Variants in PLA2G4A observed in about 807,000 individuals in gnomAD.
The protein encoded by PLA2G4A is cytosolic phospholipase A2.
In PLA2G4A, 40 loss-of-function variants were observed where a neutral mutation model predicts 81.9. The observed-to-expected ratio is 0.49, with a 90% CI of 0.38 to 0.64. The LOEUF (loss-of-function observed/expected upper bound fraction) is 0.64, where lower values mean the gene tolerates loss of function less well. Among genes scored for constraint, PLA2G4A ranks in the 30% least tolerant of loss-of-function variants. The pLI is 0.00. For synonymous variants in PLA2G4A, 302 were observed against 296.9 expected, an observed-to-expected ratio of 1.02 and a Z score of -0.18; for missense variants, 715 against 905.1, an observed-to-expected ratio of 0.79 and a Z score of 2.69.
intron 2 of PLA2G4A, among the ~76,000 whole-genome samples, chr1:186,867,734 T>C: frequency 6.6e-6 from 1 of 152,196 alleles, no homozygotes; most frequent in East Asian, 1.9e-4. Context: ...CAGTACAATG[T>C]TGAAAAGGGT....
chr1:186,844,701 G>A (rs1285594737), intron 1 of PLA2G4A, among the ~76,000 whole-genome samples: 1 of 152,152 alleles, frequency 6.6e-6, no homozygotes, highest in Non-Finnish European at 1.5e-5. Context: ...ACGAGTTAAT[G>A]GGTGCAGCAC....
chr1:186,980,318 T>G (rs1443912702), intron 17 of PLA2G4A, among the ~76,000 whole-genome samples: 2 of 152,200 alleles, frequency 1.3e-5, no homozygotes, highest in African/African-American at 4.8e-5. Flanking sequence ...TATCAATCCT[T>G]CCTATCATTA....
chr1:186,943,722 TA>T (rs1656238766), intron 10 of PLA2G4A, among the ~76,000 whole-genome samples: 1 of 152,110 alleles, frequency 6.6e-6, no homozygotes, highest in African/African-American at 2.4e-5. Flanking sequence ...TGGGCATCAC[TA>T]TTAAAAAAAA....
At chr1:186,858,969 T>G (rs1652699550) in intron 2 of PLA2G4A, among the ~76,000 whole-genome samples, 1 of 152,022 alleles carries the variant, frequency 6.6e-6, no homozygotes, top group Admixed American at 6.6e-5. Flanking sequence ...TTTCCTGCTC[T>G]GATTTTCACA....
chr1:186,955,734 C>CTTTTTTTT lies in PLA2G4A; in HGVS notation c.1337-357_1337-350dup, dbSNP rs59494152. ...ACATTCAATTATCCAAAGAAGATCC[C>CTTTTTTTT]TTTTTTTTTTTTTTTTTTAAGACAG... On this transcript the variant is annotated intron_variant, in intron 13 of 17. Coordinates refer to ENST00000367466, the MANE Select transcript of PLA2G4A (RefSeq NM_024420.3). 4.3e-3 allele frequency among the ~76,000 whole-genome samples: 471 copies of CTTTTTTTT among 108,798 alleles called. 20 individuals carry two copies. Among genetic ancestry groups the CTTTTTTTT allele is most frequent in the African/African-American group, 0.016 (444 of 28,422 alleles). 71.4% of individuals were successfully genotyped at this position (108,798 alleles called of 152,430 possible).
intron 3 of PLA2G4A, among the ~76,000 whole-genome samples, chr1:186,890,108 C>T (rs984610560): frequency 6.6e-6 from 1 of 152,152 alleles, no homozygotes; most frequent in Non-Finnish European, 1.5e-5. Context: ...ACACAGATCC[C>T]TGTAGTCATT....
At chr1:186,962,404 G>A (rs1309862180) in intron 14 of PLA2G4A, among the ~76,000 whole-genome samples, 1 of 151,956 alleles carries the variant, frequency 6.6e-6, no homozygotes, top group Non-Finnish European at 1.5e-5. Flanking sequence ...AGGTTGAATT[G>A]CGATAAAATA....
chr1:186,867,724 C>CA (rs1426272991), intron 2 of PLA2G4A, among the ~76,000 whole-genome samples: 1 of 152,152 alleles, frequency 6.6e-6, no homozygotes, highest in African/African-American at 2.4e-5. Flanking sequence ...ATAGGACTTC[C>CA]AGTACAATGT....
chr1:186,839,631 A>G (rs1212076121), intron 1 of PLA2G4A, among the ~76,000 whole-genome samples: 1 of 152,150 alleles, frequency 6.6e-6, no homozygotes, highest in Non-Finnish European at 1.5e-5. Context: ...TATAAATTTC[A>G]TTTTGAAGCA....
At chr1:186,855,683 A>T (rs1200096732) in intron 2 of PLA2G4A, among the ~76,000 whole-genome samples, 4 of 152,010 alleles carry the variant, frequency 2.6e-5, no homozygotes, top group Non-Finnish European at 5.9e-5. Context: ...TGTGAGTAGC[A>T]CACTTCCACA....
intron 3 of PLA2G4A, among the ~76,000 whole-genome samples, chr1:186,888,017 T>C (rs1281303730): frequency 6.6e-6 from 1 of 152,208 alleles, no homozygotes; most frequent in African/African-American, 2.4e-5. Flanking sequence ...TTTTGGTAGT[T>C]TTCCACTGTC....
chr1:186,958,795 A>G (rs1656843536), intron 14 of PLA2G4A, among the ~76,000 whole-genome samples: 1 of 152,222 alleles, frequency 6.6e-6, no homozygotes, highest in African/African-American at 2.4e-5. Context: ...TCTACACTCC[A>G]CATTTTAACA....
chr1:186,843,042 T>C (rs1396068378), intron 1 of PLA2G4A, among the ~76,000 whole-genome samples: 1 of 152,226 alleles, frequency 6.6e-6, no homozygotes, highest in Non-Finnish European at 1.5e-5. Context: ...CCTGGGAACT[T>C]TTTTATTCTT....
intron 7 of PLA2G4A, among the ~76,000 whole-genome samples, chr1:186,931,517 CTATTAT>C (rs3060324): frequency 0.21 from 30,200 of 144,786 alleles, 3,601 homozygotes; most frequent in Middle Eastern, 0.34. Flanking sequence ...AAAATGTTTG[CTATTAT>C]TATTATTATT....
intron 7 of PLA2G4A, among the ~76,000 whole-genome samples, chr1:186,926,202 T>A (rs1225179502): frequency 6.6e-6 from 1 of 152,204 alleles, no homozygotes; most frequent in Non-Finnish European, 1.5e-5. Context: ...CCTCCTTTTG[T>A]GGAAAGGATT....
At chr1:186,830,961 T>TTGCTTGCTTGCTTG (rs61289403) in intron 1 of PLA2G4A, among the ~76,000 whole-genome samples, 48 of 38,466 alleles carry the variant, frequency 1.2e-3, no homozygotes, top group African/African-American at 4.0e-3. Context: ...TTGCTTGCTT[T>TTGCTTGCTTGCTTG]CTTTCTTTCT....
At chr1:186,856,026 A>G (rs1164244190) in intron 2 of PLA2G4A, among the ~76,000 whole-genome samples, 3 of 151,904 alleles carry the variant, frequency 2.0e-5, no homozygotes, top group Non-Finnish European at 4.4e-5. Flanking sequence ...TTGCATTTCC[A>G]TATAATTTTT....
intron 15 of PLA2G4A, among the ~76,000 whole-genome samples, chr1:186,967,111 G>T (rs888232948): frequency 6.6e-6 from 1 of 152,144 alleles, no homozygotes; most frequent in African/African-American, 2.4e-5. Flanking sequence ...GCCCAGGTCA[G>T]GTCCTCTGAC....
At chr1:186,890,154 T>C (rs969291767) in intron 3 of PLA2G4A, among the ~76,000 whole-genome samples, 2 of 152,234 alleles carry the variant, frequency 1.3e-5, no homozygotes, top group Non-Finnish European at 2.9e-5. Flanking sequence ...TTAATTATAA[T>C]GGCCGCATGG....
Sources: gnomAD v4.1 joint callset for allele counts (sites outside exome capture counted in the v4.1 genomes callset) on GRCh38, gnomAD v4.1.1 for gene constraint, MANE v1.5 for transcripts, NCBI Gene and HGNC (gene_info 2026-07-23, HGNC 2026-07-21) for gene names.